Variants in PLSCR2 observed in about 807,000 individuals in gnomAD.
PLSCR2 encodes the protein PL scramblase 2.
Under a neutral mutation model 25.3 loss-of-function variants are expected in PLSCR2, and 18 were observed. That is an observed-to-expected ratio of 0.71 (90% confidence interval 0.49 to 1.06). PLSCR2 has a LOEUF of 1.06. Ranked by LOEUF, PLSCR2 falls within the 50% of genes least tolerant of loss-of-function variation. The pLI, the probability that PLSCR2 is intolerant of heterozygous loss-of-function variation, is 0.00. For synonymous variants in PLSCR2, 88 were observed against 87.3 expected (o/e 1.01, Z -0.04); for missense variants, 243 against 269.5 (o/e 0.90, Z 0.69).
chr3:146,478,486 G>T (rs914032761), intron 1 of PLSCR2, among the ~76,000 whole-genome samples: 2 of 152,026 alleles, frequency 1.3e-5, no homozygotes, highest in African/African-American at 4.8e-5. Flanking sequence ...TGGAAGAAAG[G>T]GTATTGGTGA....
chr3:146,494,270 CAAAT>C (rs2043666920), intron 1 of PLSCR2, among the ~76,000 whole-genome samples: 1 of 151,996 alleles, frequency 6.6e-6, no homozygotes, highest in African/African-American at 2.4e-5. Flanking sequence ...GAAATTAAAA[CAAAT>C]AAGAACTATG....
chr3:146,419,619 CT>C (rs1452278864), intron 2 of PLSCR2, among the ~76,000 whole-genome samples: 1 of 152,050 alleles, frequency 6.6e-6, no homozygotes, highest in Non-Finnish European at 1.5e-5. Flanking sequence ...GGACTCTATT[CT>C]TTCTAGGGGC....
chr3:146,486,832 T>G (rs758095179), intron 1 of PLSCR2, among the ~76,000 whole-genome samples: 2 of 152,126 alleles, frequency 1.3e-5, no homozygotes, highest in Non-Finnish European at 2.9e-5. Flanking sequence ...AGCGTAACCC[T>G]GATACCAAAA....
At chr3:146,403,672 G>A (rs1389864019) in intron 2 of PLSCR2, among the ~76,000 whole-genome samples, 1 of 151,966 alleles carries the variant, frequency 6.6e-6, no homozygotes, top group African/African-American at 2.4e-5. Context: ...TTTTATTTAA[G>A]TATTGTCTTA....
At chr3:146,471,047 GT>G (rs11322846) in intron 1 of PLSCR2, among the ~76,000 whole-genome samples, 148,084 of 151,026 alleles carry the variant, frequency 0.98, 72,632 homozygotes, top group Middle Eastern at 1. Flanking sequence ...TTGTTTTTTT[GT>G]TTTTTTTTTA....
At chr3:146,408,879 G>A (rs2038746365) in intron 2 of PLSCR2, among the ~76,000 whole-genome samples, 1 of 152,102 alleles carries the variant, frequency 6.6e-6, no homozygotes, top group Admixed American at 6.5e-5. Flanking sequence ...AGGAATTTGG[G>A]TCTCAGGCCA....
Position 146,492,135 on chromosome 3 carries a change from C to T in PLSCR2, c.-293+3760G>A, listed in dbSNP as rs375028039. 1.2e-4 allele frequency among the ~76,000 whole-genome samples: 19 copies of T among 152,190 alleles called. 1 individual carries two copies. Among genetic ancestry groups the T allele is most frequent in the East Asian group, 7.7e-4 (4 of 5,172 alleles). ...ATCAGCAATTCTCAGCTGTATGTTC[C>T]GACCCTACTGACCTGGAAACAGGCC... On this transcript the variant is annotated intron_variant, in intron 1 of 8. Coordinates refer to the PLSCR2 transcript ENST00000336685.
At chr3:146,435,600 C>T (rs1209778712) in intron 8 of PLSCR2, among the ~76,000 whole-genome samples, 1 of 152,148 alleles carries the variant, frequency 6.6e-6, no homozygotes, top group Admixed American at 6.5e-5. Context: ...ATATCCTTCG[C>T]CCACTTTTTG....
chr3:146,393,917 T>A (rs1428846364), intron 3 of PLSCR2, among the ~76,000 whole-genome samples: 1 of 152,060 alleles, frequency 6.6e-6, no homozygotes, highest in East Asian at 1.9e-4. Flanking sequence ...CTAGTATAAA[T>A]GAAGAGATGT....
chr3:146,445,524 G>T (rs1233268385), intron 6 of PLSCR2, among the ~76,000 whole-genome samples: 1 of 151,976 alleles, frequency 6.6e-6, no homozygotes, highest in Non-Finnish European at 1.5e-5. Context: ...AGATGTATTG[G>T]ATCTTGCTTT....
chr3:146,487,286 G>C lies in PLSCR2; in HGVS notation c.-293+8609C>G, dbSNP rs184914091. On this transcript the variant is annotated intron_variant, in intron 1 of 8. Coordinates refer to the PLSCR2 transcript ENST00000336685. ...AAGGATACTCTCTCTCACTACTCCT[G>C]TATAACATAGTATTGGAAGTTCTGG... 2.5e-3 allele frequency among the ~76,000 whole-genome samples: 380 copies of C among 152,068 alleles called. 2 individuals are homozygous for C. Among genetic ancestry groups the C allele is most frequent in the African/African-American group, 8.9e-3 (370 of 41,510 alleles).
intron 2 of PLSCR2, among the ~76,000 whole-genome samples, chr3:146,414,864 T>C (rs2038960116): frequency 1.3e-5 from 2 of 152,234 alleles, no homozygotes; most frequent in Non-Finnish European, 2.9e-5. Context: ...TCAAGTGTTA[T>C]ACCTATGTTT....
At chr3:146,483,029 A>G (rs2043185348) in intron 1 of PLSCR2, among the ~76,000 whole-genome samples, 1 of 152,112 alleles carries the variant, frequency 6.6e-6, no homozygotes, top group Non-Finnish European at 1.5e-5. Context: ...ATCAGGCAGG[A>G]GAAAGAAATA....
intron 1 of PLSCR2, among the ~76,000 whole-genome samples, chr3:146,485,263 A>G (rs912069013): frequency 1.3e-5 from 2 of 152,190 alleles, no homozygotes; most frequent in African/African-American, 4.8e-5. Flanking sequence ...TTCTAAATAT[A>G]TATGCGCCCA....
chr3:146,405,610 T>C (rs1229594476), intron 2 of PLSCR2, among the ~76,000 whole-genome samples: 1 of 152,204 alleles, frequency 6.6e-6, no homozygotes, highest in Non-Finnish European at 1.5e-5. Flanking sequence ...TCCTCAGTTA[T>C]AACAAGGGGA....
chr3:146,406,540 G>A (rs2038664887), intron 2 of PLSCR2, among the ~76,000 whole-genome samples: 1 of 152,120 alleles, frequency 6.6e-6, no homozygotes, highest in South Asian at 2.1e-4. Context: ...GTGAGGAGAG[G>A]AGTAGGAAGG....
At chr3:146,399,286 A>G (rs1238083932) in intron 2 of PLSCR2, among the ~76,000 whole-genome samples, 1 of 151,818 alleles carries the variant, frequency 6.6e-6, no homozygotes, top group African/African-American at 2.4e-5. Context: ...AGTTCATCAG[A>G]CTCAACAGAG....
At chr3:146,485,557 C>T (rs891729148) in intron 1 of PLSCR2, among the ~76,000 whole-genome samples, 1 of 152,104 alleles carries the variant, frequency 6.6e-6, no homozygotes, top group Non-Finnish European at 1.5e-5. Flanking sequence ...GGAAGTAGAA[C>T]ACTGCTCAGC....
chr3:146,457,533 G>A (rs2041287454), intron 3 of PLSCR2, among the ~76,000 whole-genome samples: 1 of 152,216 alleles, frequency 6.6e-6, no homozygotes, highest in Non-Finnish European at 1.5e-5. Context: ...CAGTGCCCCT[G>A]CACCCTGGCT....
Sources: gnomAD v4.1 joint callset for allele counts (sites outside exome capture counted in the v4.1 genomes callset) on GRCh38, gnomAD v4.1.1 for gene constraint, MANE v1.5 for transcripts, NCBI Gene and HGNC (gene_info 2026-07-23, HGNC 2026-07-21) for gene names.